BMERB1: variants seen among roughly 807,000 people sequenced by gnomAD.
BMERB1 encodes bMERB domain containing 1.
In BMERB1, 12 loss-of-function variants were observed where a neutral mutation model predicts 23.6. The observed-to-expected ratio is 0.51, with a 90% confidence interval of 0.33 to 0.82. The LOEUF (loss-of-function observed/expected upper bound fraction) is 0.82, where lower values mean the gene tolerates loss of function less well. Ranked by LOEUF, BMERB1 falls within the 40% of genes least tolerant of loss-of-function variation. The pLI is 0.03. For synonymous variants in BMERB1, 122 were observed against 96.6 expected, an observed-to-expected ratio of 1.26 and a Z score of -1.54; for missense variants, 247 against 255.4, an observed-to-expected ratio of 0.97 and a Z score of 0.22.
chr16:15,533,458 A>T (rs2051990185), intron 2 of BMERB1, among the ~76,000 whole-genome samples: 1 of 150,424 alleles, frequency 6.6e-6, no homozygotes. Flanking sequence ...GCAGTGGTTC[A>T]ATCTTGGTTC....
chr16:15,521,807 A>T (rs1305434865), intron 2 of BMERB1, among the ~76,000 whole-genome samples: 1 of 152,126 alleles, frequency 6.6e-6, no homozygotes, highest in Admixed American at 6.5e-5. Flanking sequence ...ATAATGCTTG[A>T]AACGCCTGTG....
chr16:15,523,431 G>A (rs2051875768), intron 2 of BMERB1, among the ~76,000 whole-genome samples: 1 of 152,264 alleles, frequency 6.6e-6, no homozygotes, highest in Non-Finnish European at 1.5e-5. Flanking sequence ...GCACAGGCGT[G>A]GGGGTGGAGC....
At chr16:15,581,481 C>CCCCA (rs2031013798) in intron 4 of BMERB1, 150 bp downstream of exon 4, 2 of 564,084 alleles carry the variant, frequency 3.5e-6, no homozygotes, top group Admixed American at 6.7e-5. Context: ...TCCCAAGGAA[C>CCCCA]CCCAGCCTTC....
chr16:15,480,369 C>T (rs2051309588), intron 1 of BMERB1, among the ~76,000 whole-genome samples: 1 of 152,036 alleles, frequency 6.6e-6, no homozygotes, highest in Admixed American at 6.6e-5. Flanking sequence ...CCGTCTAGGC[C>T]TCCCAAAGTG....
In BMERB1 at chr16:15,586,683, C is replaced by T. The variant is rs1365373112; in HGVS notation, c.503-34C>T. 18 of 1,526,440 alleles carry T rather than the reference C, an allele frequency of 1.2e-5. No individual in the cohort carries two copies. The Admixed American group carries it at 2.1e-4, about 18-fold the overall frequency. The allele number at this position is 1,526,440 out of a possible 1,614,324, so 94.6% of individuals were successfully genotyped here. On this transcript the variant is annotated intron_variant, in intron 5 of 5. Coordinates refer to ENST00000300006, the MANE Select transcript of BMERB1 (RefSeq NM_033201.3). Reference sequence around the variant, plus strand: ...CTCACCTCTCTCTCTCTGTTCCTTTCTCCCCCTCTCCCTGTGCCCACATCT... The same window carrying T: ...CTCACCTCTCTCTCTCTGTTCCTTTTTCCCCCTCTCCCTGTGCCCACATCT...
chr16:15,489,574 A>G lies in BMERB1; in HGVS notation c.107-25731A>G, dbSNP rs974773089. On this transcript the variant is annotated intron_variant, in intron 1 of 5. Coordinates refer to ENST00000300006, the MANE Select transcript of BMERB1 (RefSeq NM_033201.3). ...GATTGAAATTTTGTTTGGGGAAGCA[A>G]TGACCTGAAGAGCTTACAGCCTGGG... Among the ~76,000 whole-genome samples, 6 of 152,180 alleles carry G rather than the reference A, an allele frequency of 3.9e-5. No individual in the cohort carries two copies. In the South Asian group the frequency reaches 1.0e-3, roughly 26 times the overall value.
intron 2 of BMERB1, among the ~76,000 whole-genome samples, chr16:15,559,975 G>A (rs1353957597): frequency 2.0e-5 from 3 of 152,134 alleles, no homozygotes; most frequent in Non-Finnish European, 1.5e-5. Context: ...TTTTAAAAAG[G>A]TTTACAAATT....
At chr16:15,584,004 T>C in intron 5 of BMERB1, 6 of 702,348 alleles carry the variant, frequency 8.5e-6, no homozygotes, top group Admixed American at 2.0e-5. Context: ...TGGCCTCTCT[T>C]AGGTCTGGAA....
intron 2 of BMERB1, among the ~76,000 whole-genome samples, chr16:15,557,779 G>A (rs777469056): frequency 8.5e-5 from 13 of 152,178 alleles, no homozygotes; most frequent in Non-Finnish European, 1.8e-4. Flanking sequence ...GGACACAGTG[G>A]CTCACACCTG....
At chr16:15,478,767 T>A (rs1009170751) in intron 1 of BMERB1, among the ~76,000 whole-genome samples, 3 of 152,208 alleles carry the variant, frequency 2.0e-5, no homozygotes, top group African/African-American at 7.2e-5. Context: ...TGGCCATGTA[T>A]TCACAGTTAA....
intron 2 of BMERB1, among the ~76,000 whole-genome samples, chr16:15,561,510 C>A (rs1320482400): frequency 6.6e-6 from 1 of 151,902 alleles, no homozygotes; most frequent in Non-Finnish European, 1.5e-5. Context: ...TTCAAGTGAT[C>A]CTTCCACCTC....
intron 5 of BMERB1, among the ~76,000 whole-genome samples, chr16:15,584,722 T>C (rs886308459): frequency 4.6e-5 from 7 of 152,330 alleles, no homozygotes; most frequent in African/African-American, 1.4e-4. Context: ...TGCCTCTCTT[T>C]GCATGTAAGC....
chr16:15,560,785 T>C (rs2030393837), intron 2 of BMERB1, among the ~76,000 whole-genome samples: 1 of 151,608 alleles, frequency 6.6e-6, no homozygotes, highest in Admixed American at 6.6e-5. Flanking sequence ...AGAGCCAGAC[T>C]CCATCTCAAA....
intron 1 of BMERB1, among the ~76,000 whole-genome samples, chr16:15,484,326 C>T (rs1332897014): frequency 6.6e-6 from 1 of 152,138 alleles, no homozygotes; most frequent in Admixed American, 6.5e-5. Context: ...GCCTCTTGAC[C>T]ACCATATCTA....
Position 15,586,865 on chromosome 16 carries a change from C to T in BMERB1, c.*36C>T. The T allele has an allele frequency of 7.4e-7, 1 of 1,342,740 alleles. No individual in the cohort carries two copies. The highest frequency in any genetic ancestry group is 1.0e-6 in the Non-Finnish European group (1 of 972,988). The allele number at this position is 1,342,740 out of a possible 1,614,324, so 83.2% of individuals were successfully genotyped here. ...GGGTGCCCTGGGCCATGGGGACCCC[C>T]CCCCACCCTCTTGTCTTTATAGCCC... On this transcript the variant is annotated 3_prime_UTR_variant, in exon 6 of 6. Transcript: ENST00000300006.
chr16:15,574,467 ATAGT>A (rs1049180435), intron 3 of BMERB1, among the ~76,000 whole-genome samples: 1 of 152,070 alleles, frequency 6.6e-6, no homozygotes. Context: ...AGTTCCTCCC[ATAGT>A]TAGTTCAGCC....
chr16:15,541,386 A>C (rs1402456820), intron 2 of BMERB1, among the ~76,000 whole-genome samples: 1 of 149,186 alleles, frequency 6.7e-6, no homozygotes, highest in Admixed American at 6.7e-5. Context: ...TCTTCCTGGC[A>C]GGTCAGCGAG....
chr16:15,501,455 G>C (rs977999764), intron 1 of BMERB1, among the ~76,000 whole-genome samples: 1 of 151,576 alleles, frequency 6.6e-6, no homozygotes, highest in East Asian at 1.9e-4. Flanking sequence ...ACCATGCCCA[G>C]TTAATTTTTT....
intron 1 of BMERB1, among the ~76,000 whole-genome samples, chr16:15,444,681 A>G (rs545841529): frequency 1.3e-5 from 2 of 152,310 alleles, no homozygotes; most frequent in Admixed American, 6.5e-5. Flanking sequence ...TAGTATGAGT[A>G]CATGGTGGTC....
Sources: allele counts gnomAD v4.1 joint callset (sites outside exome capture counted in the v4.1 genomes callset), GRCh38; gene constraint gnomAD v4.1.1; transcripts MANE v1.5; gene names NCBI Gene and HGNC (gene_info 2026-07-23, HGNC 2026-07-21).